Variants in PACS1 observed in about 807,000 individuals in gnomAD.
The protein encoded by PACS1 is phosphofurin acidic cluster sorting protein 1.
Under a neutral mutation model 115.0 loss-of-function variants are expected in PACS1, and 24 were observed. The ratio of observed to expected loss-of-function variants is 0.21; its 90% confidence interval spans 0.15 to 0.29. The LOEUF is 0.29. Among genes scored for constraint, PACS1 ranks in the 10% least tolerant of loss-of-function variants. The pLI is 1.00. For synonymous variants in PACS1, 453 were observed against 504.5 expected, an observed-to-expected ratio of 0.90 and a Z score of 1.37; for missense variants, 838 against 1,251.2, an observed-to-expected ratio of 0.67 and a Z score of 4.98.
chr11:66,079,003 G>A (rs1470108724), intron 1 of PACS1, among the ~76,000 whole-genome samples: 1 of 152,164 alleles, frequency 6.6e-6, no homozygotes, highest in East Asian at 1.9e-4. Flanking sequence ...TGTCTCCCGG[G>A]TTCAAGTGAT....
chr11:66,082,568 GT>G (rs1857503587), intron 1 of PACS1, among the ~76,000 whole-genome samples: 1 of 152,154 alleles, frequency 6.6e-6, no homozygotes. Context: ...TTTGTAAAAT[GT>G]TTGCGCATCA....
intron 1 of PACS1, among the ~76,000 whole-genome samples, chr11:66,189,644 G>C (rs887490046): frequency 3.3e-5 from 5 of 152,220 alleles, no homozygotes; most frequent in Non-Finnish European, 5.9e-5. Flanking sequence ...GGGCAGTGTT[G>C]ATGAGTGAAG....
At chr11:66,087,148 T>C (rs1267557815) in intron 1 of PACS1, among the ~76,000 whole-genome samples, 1 of 151,850 alleles carries the variant, frequency 6.6e-6, no homozygotes, top group Non-Finnish European at 1.5e-5. Context: ...CCACCAACGA[T>C]AGCTAGTTTC....
chr11:66,179,082 C>T (rs1425622780), intron 1 of PACS1, among the ~76,000 whole-genome samples: 1 of 152,126 alleles, frequency 6.6e-6, no homozygotes, highest in Non-Finnish European at 1.5e-5. Context: ...TCACTCTTAT[C>T]ACAGCACTTG....
At chr11:66,171,341 A>G (rs1300298930) in intron 1 of PACS1, among the ~76,000 whole-genome samples, 2 of 150,418 alleles carry the variant, frequency 1.3e-5, no homozygotes, top group Non-Finnish European at 2.9e-5. Context: ...CTTATGAAGA[A>G]CATATAAGTA....
At chr11:66,149,634 C>T (rs1035678327) in intron 1 of PACS1, among the ~76,000 whole-genome samples, 1 of 152,006 alleles carries the variant, frequency 6.6e-6, no homozygotes, top group African/African-American at 2.4e-5. Context: ...ATCAAGTACC[C>T]GGTCTATAAA....
chr11:66,070,460 C>T lies in PACS1; in HGVS notation c.-27C>T, dbSNP rs1857286952. 8.2e-7 allele frequency: 1 copy of T among 1,222,374 alleles called. No homozygotes were observed. The highest frequency in any genetic ancestry group is 1.0e-6 in the Non-Finnish European group (1 of 977,330). The allele number at this position is 1,222,374 out of a possible 1,614,324, so 75.7% of individuals were successfully genotyped here. A position where few individuals can be genotyped will look rare whatever the true frequency, so the allele number is the denominator to read the frequency against. ...GGGAGCCAGATCGGCGTCGCCTCGG[C>T]CTCCGTAACCCCCGCCTAGCCGGGC... On this transcript the variant is annotated 5_prime_UTR_variant, in exon 1 of 24. Coordinates refer to ENST00000320580, the MANE Select transcript of PACS1 (RefSeq NM_018026.4). This position sits in a 1 kb window ranked among gnomAD's most constrained non-coding sequence, Gnocchi z 5.9.
Position 66,211,269 on chromosome 11 carries a change from A to G in PACS1, c.660+10A>G. 2 of 1,613,080 alleles carry G rather than the reference A, an allele frequency of 1.2e-6. No homozygotes were observed. The highest frequency in any genetic ancestry group is 1.3e-5 in the African/African-American group (1 of 75,016). ...CATCAACATGGCAGAGGTGAGAGGA[A>G]CACAGTCTCCAGACTGTTGGCCTTT... On this transcript the variant is annotated intron_variant, in intron 4 of 23. Coordinates refer to ENST00000320580, the MANE Select transcript of PACS1 (RefSeq NM_018026.4).
chr11:66,134,386 C>T (rs1858789730), intron 1 of PACS1, among the ~76,000 whole-genome samples: 1 of 149,884 alleles, frequency 6.7e-6, no homozygotes, highest in Non-Finnish European at 1.5e-5. Flanking sequence ...GTGCCTCAGC[C>T]TCCCTAGTAG....
chr11:66,232,252 G>A lies in PACS1; in HGVS notation c.1707G>A (p.Val569=), dbSNP rs374295366. Residue 569 remains valine, a synonymous_variant, in exon 14 of 24, where the codon GTG becomes GTA. Transcript: ENST00000320580. The part of the protein sequence containing the change: ...DAALPENVIL[V]NTTDWQGQYV... ...CCCTCCCAGAAAATGTCATTCTGGT[G>A]AACACCACTGACTGGCAGGGCCAGG... 2.4e-5 allele frequency: 38 copies of A among 1,610,774 alleles called. No homozygotes were observed. In the African/African-American group the frequency reaches 4.3e-4, roughly 18 times the overall value.
intron 1 of PACS1, among the ~76,000 whole-genome samples, chr11:66,130,725 AT>A (rs1208288304): frequency 6.6e-6 from 1 of 151,914 alleles, no homozygotes; most frequent in Non-Finnish European, 1.5e-5. Flanking sequence ...ACTGCGTTTT[AT>A]TTGCCTGTTC....
chr11:66,191,746 G>A (rs1224899436), intron 1 of PACS1, among the ~76,000 whole-genome samples: 1 of 152,236 alleles, frequency 6.6e-6, no homozygotes, highest in African/African-American at 2.4e-5. Context: ...TTGGGTGACT[G>A]GGCGTGGTGG....
At chr11:66,174,877 G>T in intron 1 of PACS1, among the ~76,000 whole-genome samples, 1 of 152,154 alleles carries the variant, frequency 6.6e-6, no homozygotes, top group East Asian at 1.9e-4. Flanking sequence ...TTGGCCAGGG[G>T]CAGTGGCTCA....
At chr11:66,222,978 C>T (rs1855386865) in intron 10 of PACS1, among the ~76,000 whole-genome samples, 1 of 151,104 alleles carries the variant, frequency 6.6e-6, no homozygotes, top group African/African-American at 2.4e-5. Flanking sequence ...CAGCCCTGCC[C>T]CTGCAGACCC....
intron 2 of PACS1, among the ~76,000 whole-genome samples, chr11:66,203,664 C>T (rs772235679): frequency 6.6e-6 from 1 of 152,088 alleles, no homozygotes; most frequent in Non-Finnish European, 1.5e-5. Flanking sequence ...ACACCTACAC[C>T]AATGGAAGAG....
chr11:66,096,022 C>G (rs1857772087), intron 1 of PACS1, among the ~76,000 whole-genome samples: 1 of 151,622 alleles, frequency 6.6e-6, no homozygotes, highest in Non-Finnish European at 1.5e-5. Context: ...GCAACCTCCA[C>G]CTCCCAGGTT....
At chr11:66,208,079 T>C (rs1339783594) in intron 2 of PACS1, among the ~76,000 whole-genome samples, 3 of 152,148 alleles carry the variant, frequency 2.0e-5, no homozygotes, top group African/African-American at 7.2e-5. Flanking sequence ...GCTGATTTTA[T>C]ACCCAGCCTT....
intron 1 of PACS1, chr11:66,120,893 T>A: frequency 4.9e-6 from 2 of 405,660 alleles, no homozygotes; most frequent in East Asian, 7.3e-5. Context: ...TCAAGGGACG[T>A]CTTCATGAAG....
intron 21 of PACS1, 85 bp from the exon 22 acceptor site, chr11:66,241,342 A>ACTGGCATGGCC: frequency 1.0e-6 from 1 of 1,001,256 alleles, no homozygotes; most frequent in Non-Finnish European, 1.5e-6. Context: ...CCTCCCGGGG[A>ACTGGCATGGCC]CTGGCATGGC....
Sources: allele counts gnomAD v4.1 joint callset (sites outside exome capture counted in the v4.1 genomes callset), GRCh38; gene constraint gnomAD v4.1.1; non-coding constraint Gnocchi (gnomAD v3.1); transcripts MANE v1.5; gene names NCBI Gene and HGNC (gene_info 2026-07-23, HGNC 2026-07-21).